Variants in COL24A1 observed in about 807,000 individuals in gnomAD.
COL24A1 encodes collagen type XXIV alpha 1 chain, also known as collagen alpha-1(XXIV) chain.
A neutral mutation model predicts 253.9 loss-of-function variants in COL24A1; 224 were observed. That is an observed-to-expected ratio of 0.88 (90% confidence interval 0.79 to 0.99). The LOEUF (loss-of-function observed/expected upper bound fraction) is 0.99, where lower values mean the gene tolerates loss of function less well. Ranked by LOEUF, COL24A1 falls within the 50% of genes least tolerant of loss-of-function variation. The probability of loss-of-function intolerance (pLI) is 0.00; values close to 1 mark genes in which losing one functional copy is unlikely to be tolerated. For synonymous variants in COL24A1, 685 were observed against 673.7 expected, an observed-to-expected ratio of 1.02 and a Z score of -0.26; for missense variants, 2,131 against 2,068.5, an observed-to-expected ratio of 1.03 and a Z score of -0.59.
intron 24 of COL24A1, among the ~76,000 whole-genome samples, chr1:85,926,284 A>G (rs565710844): frequency 6.6e-6 from 1 of 152,384 alleles, no homozygotes; most frequent in South Asian, 2.1e-4. Flanking sequence ...TCAAGGATCT[A>G]GAACTAGAAA....
At chr1:85,929,751 A>T (rs1179516035) in intron 24 of COL24A1, among the ~76,000 whole-genome samples, 3 of 148,838 alleles carry the variant, frequency 2.0e-5, no homozygotes, top group Non-Finnish European at 4.4e-5. Context: ...CCACAGTGCA[A>T]TCAAACTAGA....
intron 6 of COL24A1, 54 bp from the exon 7 acceptor site, chr1:86,089,281 T>A: frequency 8.4e-7 from 1 of 1,185,000 alleles, no homozygotes; most frequent in Non-Finnish European, 1.2e-6. Flanking sequence ...AAAATTAGAA[T>A]TCTCTTGAAA....
Position 85,895,885 on chromosome 1 carries a change from A to G in COL24A1, c.2895T>C (p.Pro965=). Residue 965 remains proline, a synonymous_variant, in exon 31 of 60, where the codon CCT becomes CCC. Transcript: ENST00000370571. The stretch of plus-strand genomic sequence containing the variant: ...GTTTCCCTTGAAATCCTCTTTCTCC[A>G]GGGTTTCCAGTCTTACCCTACATGA... ...PHGLIGKTGN[P]GERGFQGKPG... is the part of the protein sequence containing the mutation. 6.2e-7 allele frequency: 1 copy of G among 1,609,632 alleles called. No individual in the cohort carries two copies. The highest frequency in any genetic ancestry group is 8.5e-7 in the Non-Finnish European group (1 of 1,178,830).
chr1:85,869,461 A>C (rs1680171202), intron 35 of COL24A1, among the ~76,000 whole-genome samples: 3 of 152,182 alleles, frequency 2.0e-5, no homozygotes. Context: ...GGTCGGGTTA[A>C]CCACAAAGGA....
chr1:86,047,602 G>GTATA (rs1284621071), intron 11 of COL24A1, among the ~76,000 whole-genome samples: 1 of 151,818 alleles, frequency 6.6e-6, no homozygotes, highest in African/African-American at 2.4e-5. Flanking sequence ...GTTAATTCAT[G>GTATA]TATATATACA....
chr1:85,940,440 A>AAAAAAT (rs1688643091), intron 24 of COL24A1, among the ~76,000 whole-genome samples: 1 of 149,266 alleles, frequency 6.7e-6, no homozygotes, highest in African/African-American at 2.5e-5. Context: ...AAAAAAAAAA[A>AAAAAAT]GTGCCATAAG....
rs528268494 is a variant in COL24A1 at position 85,926,629 on chromosome 1, G to A, written c.2563-15196C>T. On this transcript the variant is annotated intron_variant, in intron 24 of 59. Transcript: ENST00000370571. ...GGGAATTGAACAATGAGTACACTTG[G>A]ACACAGGGCGGGGAACATCACACAC... Among the ~76,000 whole-genome samples the A allele has an allele frequency of 1.2e-3, 178 of 151,770 alleles. 1 individual carries two copies. The highest frequency in any genetic ancestry group is 4.1e-3 in the African/African-American group (169 of 41,318).
rs529102111 is a variant in COL24A1 at position 85,899,410 on chromosome 1, GA to G, written c.2779-3002del. Among the ~76,000 whole-genome samples, 94 of 152,226 alleles carry G rather than the reference GA, an allele frequency of 6.2e-4. 1 individual carries two copies. Among genetic ancestry groups the G allele is most frequent in the African/African-American group, 2.1e-3 (87 of 41,534 alleles). ...ATATTTTATTACTGAGTAATTGGTA[GA>G]AGATAACAGCATCAATAGAAAACAA... On this transcript the variant is annotated intron_variant, in intron 28 of 59. Coordinates refer to ENST00000370571, the MANE Select transcript of COL24A1 (RefSeq NM_152890.7).
At chr1:86,138,412 C>T (rs1261463307) in intron 2 of COL24A1, among the ~76,000 whole-genome samples, 1 of 152,050 alleles carries the variant, frequency 6.6e-6, no homozygotes, top group African/African-American at 2.4e-5. Context: ...TTGGCTGTGT[C>T]CTCACCCAAA....
chr1:86,144,958 A>T (rs754053263), intron 2 of COL24A1, among the ~76,000 whole-genome samples: 1 of 152,152 alleles, frequency 6.6e-6, no homozygotes, highest in Non-Finnish European at 1.5e-5. Context: ...CTTCAAGCTA[A>T]ATGAAGTAAC....
At chr1:85,766,567 A>G (rs143708243) in intron 53 of COL24A1, among the ~76,000 whole-genome samples, 2 of 152,210 alleles carry the variant, frequency 1.3e-5, no homozygotes, top group East Asian at 1.9e-4. Context: ...CTTGGGATCA[A>G]TACTAGAGTT....
In COL24A1 at chr1:85,781,232, TG is replaced by T. The variant is rs777777273; in HGVS notation, c.4325del (p.Pro1442GlnfsTer50). The T allele has an allele frequency of 2.5e-6, 4 of 1,604,974 alleles. No homozygotes were observed. The highest frequency in any genetic ancestry group is 1.3e-5 in the African/African-American group (1 of 74,428). The stretch of plus-strand genomic sequence containing the variant: ...ATGATAAACTTACAGTTCTACCTGT[TG>T]GGCCTATTATACCTTCTCTGCCAAG... Reference protein sequence around the residue: ...GPLGREGIIGPTGRTGPRGEK... With the variant: ...GPLGREGIIGXTGRTGPRGEK... On this transcript the variant is annotated frameshift_variant, in exon 52 of 60. Transcript: ENST00000370571. LOFTEE classifies it high-confidence loss of function.
At chr1:85,794,417 C>A (rs1171527436) in intron 47 of COL24A1, among the ~76,000 whole-genome samples, 1 of 152,252 alleles carries the variant, frequency 6.6e-6, no homozygotes, top group South Asian at 2.1e-4. Flanking sequence ...ATAAGGAGCA[C>A]AAAACTTGTC....
intron 37 of COL24A1, among the ~76,000 whole-genome samples, chr1:85,854,665 T>A (rs1042999109): frequency 2.0e-5 from 3 of 152,104 alleles, no homozygotes; most frequent in Non-Finnish European, 2.9e-5. Context: ...GTAATTCTAA[T>A]TGTAGAGATC....
intron 24 of COL24A1, among the ~76,000 whole-genome samples, chr1:85,956,384 A>T (rs1438620256): frequency 6.6e-6 from 1 of 152,194 alleles, no homozygotes; most frequent in African/African-American, 2.4e-5. Flanking sequence ...GAAACAGAGT[A>T]TCTGATTTTG....
intron 54 of COL24A1, 44 bp from the exon 55 acceptor site, chr1:85,761,466 AC>A: frequency 6.2e-7 from 1 of 1,613,828 alleles, no homozygotes; most frequent in Non-Finnish European, 8.5e-7. Flanking sequence ...TATTTAGTAG[AC>A]ATCTTAAACC....
At chr1:85,896,220 T>C (rs1683699830) in intron 29 of COL24A1, 136 bp downstream of exon 29, 2 of 1,169,786 alleles carry the variant, frequency 1.7e-6, no homozygotes, top group Non-Finnish European at 2.4e-6. Flanking sequence ...GTAAAAACTT[T>C]ATGCGTTTCA....
At chr1:85,732,234 C>CTT (rs747341554) in intron 59 of COL24A1, among the ~76,000 whole-genome samples, 1 of 145,968 alleles carries the variant, frequency 6.9e-6, no homozygotes, top group Non-Finnish European at 1.5e-5. Flanking sequence ...CTTTTCTTTT[C>CTT]TTTTTTTTTT....
chr1:85,891,308 C>A (rs1189354921), intron 31 of COL24A1, among the ~76,000 whole-genome samples: 1 of 151,632 alleles, frequency 6.6e-6, no homozygotes, highest in Non-Finnish European at 1.5e-5. Flanking sequence ...TCGTGATCCA[C>A]CCGCCTTGGC....
Sources: allele counts gnomAD v4.1 joint callset (sites outside exome capture counted in the v4.1 genomes callset), GRCh38; gene constraint gnomAD v4.1.1; transcripts MANE v1.5; gene names NCBI Gene and HGNC (gene_info 2026-07-23, HGNC 2026-07-21).